Variants in AP4E1 observed in about 807,000 individuals in gnomAD.
AP4E1 encodes the protein adaptor related protein complex 4 subunit epsilon 1, also known as AP-4 complex subunit epsilon-1.
A neutral mutation model predicts 128.2 loss-of-function variants in AP4E1; 56 were observed. The observed-to-expected ratio is 0.44, with a 90% CI of 0.35 to 0.55. The LOEUF (loss-of-function observed/expected upper bound fraction) is 0.55. Ranked by LOEUF, AP4E1 falls within the 20% of genes least tolerant of loss-of-function variation. AP4E1 has a pLI of 0.00. For missense variants in AP4E1, 1,324 were observed against 1,307.7 expected (o/e 1.01, Z -0.19); for synonymous variants, 484 against 473.1 (o/e 1.02, Z -0.30).
At chr15:50,909,045 A>G in intron 1 of AP4E1, 117 bp downstream of exon 1, 3 of 1,485,146 alleles carry the variant, frequency 2.0e-6, no homozygotes, top group Non-Finnish European at 2.7e-6. Context: ...GGCGGGGCTC[A>G]GGGGCTGCTG....
In AP4E1 at chr15:50,908,727, C is replaced by CCGGGCGGCTACGGGATCG. The variant is rs2063527164; in HGVS notation, c.-43_-26dup. The CCGGGCGGCTACGGGATCG allele has an allele frequency of 5.5e-6, 8 of 1,461,436 alleles. No individual in the cohort carries two copies. The Admixed American group carries it at 7.8e-5, about 14-fold the overall frequency. 90.5% of individuals were successfully genotyped at this position (1,461,436 alleles called of 1,614,324 possible). A position where few individuals can be genotyped will look rare whatever the true frequency, so the allele number is the denominator to read the frequency against. On this transcript the variant is annotated 5_prime_UTR_variant, in exon 1 of 21. Transcript: ENST00000261842. ...CCGGCAGCGGCGGCCGGGCATGAAG[C>CCGGGCGGCTACGGGATCG]CGGGCGGCTACGGGATCGCGGGCGG... is the stretch of plus-strand genomic sequence containing the variant.
rs1457082908 is a variant in AP4E1, at chr15:50,945,244, G to GA, written c.1177-2775dup. ...AATCCTGTATGTTCAATGACCTGGG[G>GA]ATTTGACAGTGTAAGTAGTGTTAAA... On this transcript the variant is annotated intron_variant, in intron 10 of 20. Transcript: ENST00000261842. 17 of 786,482 alleles carry GA rather than the reference G, an allele frequency of 2.2e-5. No homozygotes were observed. The African/African-American group carries it at 2.9e-4, about 13-fold the overall frequency. The allele number at this position is 786,482 out of a possible 1,614,324, so 48.7% of individuals were successfully genotyped here.
Position 51,005,145 on chromosome 15 carries a change from C to G in AP4E1, c.*2483C>G, listed in dbSNP as rs1567272027. ...AGGTGATCTGCCCGCCTCAGCCTCC[C>G]AAAGTGCTGGGATTACAGGCGTGAG... On this transcript the variant is annotated 3_prime_UTR_variant, in exon 21 of 21. Coordinates refer to ENST00000261842, the MANE Select transcript of AP4E1 (RefSeq NM_007347.5). 1 of 152,254 alleles carries G rather than the reference C, an allele frequency of 6.6e-6. No homozygotes were observed. The highest frequency in any genetic ancestry group is 1.5e-5 in the Non-Finnish European group (1 of 68,082). The allele number at this position is 152,254 out of a possible 1,614,324, so 9.4% of individuals were successfully genotyped here.
At chr15:50,961,387 C>T (rs1175530347) in intron 14 of AP4E1, among the ~76,000 whole-genome samples, 3 of 151,998 alleles carry the variant, frequency 2.0e-5, no homozygotes, top group Admixed American at 6.6e-5. Context: ...AATCCAATAA[C>T]ACACCAAAAA....
intron 8 of AP4E1, 139 bp from the exon 9 acceptor site, chr15:50,941,303 T>G (rs1348788779): frequency 3.2e-6 from 3 of 924,522 alleles, no homozygotes; most frequent in Admixed American, 4.3e-5. Context: ...GTAGTAGCGT[T>G]TGTTTCTGTG....
intron 7 of AP4E1, among the ~76,000 whole-genome samples, chr15:50,933,395 T>C (rs2063861006): frequency 6.6e-6 from 1 of 152,184 alleles, no homozygotes. Context: ...TTTATGGTCT[T>C]TTATATCTAT....
intron 17 of AP4E1, among the ~76,000 whole-genome samples, chr15:50,996,268 G>T (rs1166942766): frequency 6.6e-6 from 1 of 151,356 alleles, no homozygotes; most frequent in Non-Finnish European, 1.5e-5. Context: ...AATGTGCTGG[G>T]ATTACAGATA....
intron 7 of AP4E1, among the ~76,000 whole-genome samples, chr15:50,933,446 A>T (rs1010052238): frequency 6.6e-6 from 1 of 152,122 alleles, no homozygotes; most frequent in Non-Finnish European, 1.5e-5. Context: ...TGCTTCTTAG[A>T]TTTATTAAGA....
intron 14 of AP4E1, among the ~76,000 whole-genome samples, chr15:50,967,816 A>T (rs1285001840): frequency 6.6e-6 from 1 of 152,134 alleles, no homozygotes; most frequent in Non-Finnish European, 1.5e-5. Flanking sequence ...TAGCATTTTC[A>T]TTCATTCATT....
At chr15:50,976,192 T>A (rs1327102937) in intron 15 of AP4E1, among the ~76,000 whole-genome samples, 2 of 152,138 alleles carry the variant, frequency 1.3e-5, no homozygotes, top group Non-Finnish European at 2.9e-5. Flanking sequence ...CATGATCAAG[T>A]GGGATTTATC....
intron 10 of AP4E1, among the ~76,000 whole-genome samples, chr15:50,944,022 C>A (rs1311929170): frequency 6.6e-6 from 1 of 152,142 alleles, no homozygotes; most frequent in African/African-American, 2.4e-5. Context: ...TCATAATTAT[C>A]CTTTCACTTA....
intron 10 of AP4E1, among the ~76,000 whole-genome samples, chr15:50,943,337 C>A (rs758465716): frequency 2.6e-5 from 4 of 152,046 alleles, no homozygotes. Context: ...CATTAAACAA[C>A]TATAATTTTT....
intron 8 of AP4E1, among the ~76,000 whole-genome samples, chr15:50,938,764 C>T (rs1452274977): frequency 6.6e-6 from 1 of 151,964 alleles, no homozygotes; most frequent in African/African-American, 2.4e-5. Context: ...TAATGAGGTA[C>T]CCCTCTCTCT....
At chr15:50,919,592 C>T (rs1016053525) in intron 3 of AP4E1, among the ~76,000 whole-genome samples, 18 of 151,104 alleles carry the variant, frequency 1.2e-4, no homozygotes, top group Non-Finnish European at 2.5e-4. Context: ...ATAAATTATG[C>T]TGTAATTAAT....
At chr15:50,958,941 A>T (rs2064272099) in intron 14 of AP4E1, 147 bp downstream of exon 14, 2 of 904,914 alleles carry the variant, frequency 2.2e-6, no homozygotes, top group Admixed American at 4.1e-5. Flanking sequence ...CATTAGTATG[A>T]CAGGGAATCT....
intron 16 of AP4E1, among the ~76,000 whole-genome samples, chr15:50,988,413 C>T (rs559820921): frequency 6.6e-6 from 1 of 150,970 alleles, no homozygotes; most frequent in Non-Finnish European, 1.5e-5. Context: ...CTTCTGGGCT[C>T]AGGCAATTCT....
chr15:50,919,066 TAA>T (rs927586847), intron 3 of AP4E1, among the ~76,000 whole-genome samples: 8 of 151,488 alleles, frequency 5.3e-5, no homozygotes, highest in Non-Finnish European at 1.0e-4. Flanking sequence ...CTGTCTCTAC[TAA>T]AAATACAAAA....
chr15:50,918,814 A>G (rs866862333), intron 3 of AP4E1, among the ~76,000 whole-genome samples: 1 of 152,190 alleles, frequency 6.6e-6, no homozygotes, highest in South Asian at 2.1e-4. Context: ...ACATCTTTAT[A>G]CTTTTATACA....
chr15:50,920,990 A>G (rs1418026506), intron 3 of AP4E1, among the ~76,000 whole-genome samples: 5 of 151,552 alleles, frequency 3.3e-5, no homozygotes, highest in South Asian at 4.2e-4. Flanking sequence ...TTTGGTAGAA[A>G]CAGGGTTTTG....
Sources: allele counts gnomAD v4.1 joint callset (sites outside exome capture counted in the v4.1 genomes callset), GRCh38; gene constraint gnomAD v4.1.1; transcripts MANE v1.5; gene names NCBI Gene and HGNC (gene_info 2026-07-23, HGNC 2026-07-21).